The following WDFY3 variants were observed in gnomAD, a reference collection of about 807,000 sequenced individuals.
WDFY3 encodes WD repeat and FYVE domain containing 3.
In WDFY3, 66 loss-of-function variants were observed where a neutral mutation model predicts 409.6. The observed-to-expected ratio is 0.16, with a 90% CI of 0.13 to 0.20. The LOEUF (loss-of-function observed/expected upper bound fraction) is 0.20, where lower values mean the gene tolerates loss of function less well. Among genes scored for constraint, WDFY3 ranks in the 10% least tolerant of loss-of-function variants. The pLI is 1.00. For missense variants in WDFY3, 3,031 were observed against 4,298.1 expected, an observed-to-expected ratio of 0.71 and a Z score of 8.24; for synonymous variants, 1,521 against 1,537.1, an observed-to-expected ratio of 0.99 and a Z score of 0.25.
chr4:84,885,486 G>A (rs1216720957), intron 3 of WDFY3, among the ~76,000 whole-genome samples: 3 of 151,804 alleles, frequency 2.0e-5, no homozygotes, highest in African/African-American at 7.3e-5. Flanking sequence ...AAGGAACACT[G>A]TAAGCCAACA....
intron 64 of WDFY3, among the ~76,000 whole-genome samples, chr4:84,680,041 C>A (rs918803757): frequency 6.6e-6 from 1 of 151,952 alleles, no homozygotes; most frequent in Non-Finnish European, 1.5e-5. Context: ...CAGGCACCCA[C>A]CACCACACCT....
intron 1 of WDFY3, among the ~76,000 whole-genome samples, chr4:84,949,539 A>G (rs1432231971): frequency 6.6e-6 from 1 of 152,232 alleles, no homozygotes; most frequent in Non-Finnish European, 1.5e-5. Flanking sequence ...CAGAGCAATG[A>G]AAGAGTATAT....
At chr4:84,695,301 G>A (rs1397068391) in intron 58 of WDFY3, among the ~76,000 whole-genome samples, 1 of 152,096 alleles carries the variant, frequency 6.6e-6, no homozygotes, top group African/African-American at 2.4e-5. Flanking sequence ...GGCAGCTATT[G>A]CGTGTCCTAG....
intron 56 of WDFY3, among the ~76,000 whole-genome samples, chr4:84,701,817 T>C (rs1429998994): frequency 6.6e-6 from 1 of 152,202 alleles, no homozygotes; most frequent in Non-Finnish European, 1.5e-5. Flanking sequence ...TATTCTGAAG[T>C]TCTAATTTTA....
At chr4:84,776,517 A>G (rs1745573072) in intron 27 of WDFY3, among the ~76,000 whole-genome samples, 1 of 152,192 alleles carries the variant, frequency 6.6e-6, no homozygotes, top group Middle Eastern at 3.4e-3. Context: ...CTTGATTTAA[A>G]TGTGTCAGTT....
intron 42 of WDFY3, among the ~76,000 whole-genome samples, chr4:84,735,381 C>T (rs1378948081): frequency 6.6e-6 from 1 of 152,160 alleles, no homozygotes; most frequent in East Asian, 1.9e-4. Context: ...TCAGGGATGG[C>T]CTTAGCTGCA....
chr4:84,885,330 ATGTGTG>A (rs70943380), intron 3 of WDFY3, among the ~76,000 whole-genome samples: 7,838 of 145,598 alleles, frequency 0.054, 389 homozygotes, highest in Admixed American at 0.12. Flanking sequence ...ACATATACAT[ATGTGTG>A]TGTGTGTGTG....
intron 49 of WDFY3, 23 bp from the exon 50 acceptor site, chr4:84,715,406 C>A: frequency 2.2e-6 from 3 of 1,334,340 alleles, no homozygotes; most frequent in Admixed American, 1.9e-5. Context: ...GAGAGAAAAA[C>A]ATTAAGAAAA....
rs1169064463 is a variant in WDFY3, at chr4:84,801,708, G to A, written c.2764C>T (p.Pro922Ser). The A allele has an allele frequency of 1.9e-6, 3 of 1,612,248 alleles. No homozygotes were observed. The highest frequency in any genetic ancestry group is 2.5e-6 in the Non-Finnish European group (3 of 1,179,440). ...AATCGTTCAAACATCCGCTGCAGGG[G>A]CGGGTGCAGTGAGTGGTCCTCATCA... ...LADEDHSLHPPLQRMFERLAS... is the reference protein window; with the variant it reads ...LADEDHSLHPSLQRMFERLAS... Residue 922 changes from proline (P) to serine (S), a missense_variant, in exon 17 of 68, where the codon CCC becomes TCC. Pro to Ser is a moderately conservative substitution (Grantham distance 74, BLOSUM62 -1). Coordinates refer to ENST00000295888, the MANE Select transcript of WDFY3 (RefSeq NM_014991.6).
chr4:84,715,202 T>C (rs1010383470), intron 50 of WDFY3, 96 bp downstream of exon 50: 2 of 656,062 alleles, frequency 3.0e-6, no homozygotes, highest in East Asian at 2.7e-5. Flanking sequence ...TGTTGGCTCA[T>C]TGATCTAGAT....
At chr4:84,812,680 T>C (rs1341586477) in intron 13 of WDFY3, among the ~76,000 whole-genome samples, 2 of 152,126 alleles carry the variant, frequency 1.3e-5, no homozygotes, top group African/African-American at 4.8e-5. Context: ...ATGTACAAAA[T>C]GCTATCACTG....
At chr4:84,804,620 A>G (rs1318217878) in intron 15 of WDFY3, among the ~76,000 whole-genome samples, 1 of 152,180 alleles carries the variant, frequency 6.6e-6, no homozygotes, top group Non-Finnish European at 1.5e-5. Context: ...ACTTACTAAG[A>G]AAAATATTCA....
At chr4:84,766,510 AC>A (rs1743667022) in intron 30 of WDFY3, 138 bp from the exon 31 acceptor site, 3 of 807,856 alleles carry the variant, frequency 3.7e-6, no homozygotes, top group Middle Eastern at 3.8e-4. Flanking sequence ...ACCAACATGG[AC>A]AAGAAAAAGG....
chr4:84,833,460 T>C lies in WDFY3; in HGVS notation c.577-1855A>G, dbSNP rs562164430. Among the ~76,000 whole-genome samples, 95 of 152,182 alleles carry C rather than the reference T, an allele frequency of 6.2e-4. No homozygotes were observed. In the South Asian group the frequency reaches 0.02, roughly 32 times the overall value. On this transcript the variant is annotated intron_variant, in intron 7 of 67. Transcript: ENST00000295888. ...GGAGGCCCAAGGTAGGCAGATTACT[T>C]GAGTCCAGGAGTTTGAGACCAGCCT... is the stretch of plus-strand genomic sequence containing the variant.
chr4:84,742,671 AAGC>A (rs1202170372), intron 37 of WDFY3, among the ~76,000 whole-genome samples: 1 of 152,178 alleles, frequency 6.6e-6, no homozygotes, highest in East Asian at 1.9e-4. Flanking sequence ...ATTGGAGTGC[AAGC>A]CCTATTATGA....
At chr4:84,706,708 T>C (rs562379490) in intron 53 of WDFY3, among the ~76,000 whole-genome samples, 12 of 152,078 alleles carry the variant, frequency 7.9e-5, no homozygotes, top group African/African-American at 2.4e-4. Context: ...GTTGAGTTAG[T>C]TGGTGGAGAG....
At chr4:84,717,085 C>A in intron 48 of WDFY3, 69 bp from the exon 49 acceptor site, 1 of 1,428,544 alleles carries the variant, frequency 7.0e-7, no homozygotes, top group South Asian at 1.7e-5. Flanking sequence ...CCATAAAGGG[C>A]GTGCTAATTT....
intron 22 of WDFY3, 56 bp downstream of exon 22, chr4:84,789,670 C>CACACACACA: frequency 2.2e-5 from 12 of 539,790 alleles, no homozygotes; most frequent in African/African-American, 4.4e-5. Context: ...CACACACACA[C>CACACACACA]CCCCCAAACT....
intron 46 of WDFY3, among the ~76,000 whole-genome samples, chr4:84,721,970 G>A (rs770637675): frequency 6.6e-6 from 1 of 152,220 alleles, no homozygotes; most frequent in Non-Finnish European, 1.5e-5. Context: ...TCTCAATAGT[G>A]TCAGGTAATG....
Sources: allele counts gnomAD v4.1 joint callset (sites outside exome capture counted in the v4.1 genomes callset), GRCh38; gene constraint gnomAD v4.1.1; transcripts MANE v1.5; gene names NCBI Gene and HGNC (gene_info 2026-07-23, HGNC 2026-07-21).